The following ZMYM4 variants were observed in gnomAD, a reference collection of about 807,000 sequenced individuals.
The protein encoded by ZMYM4 is zinc finger MYM-type protein 4.
In ZMYM4, 31 loss-of-function variants were observed where a neutral mutation model predicts 183.2. The observed-to-expected ratio is 0.17, with a 90% CI of 0.13 to 0.23. The LOEUF (loss-of-function observed/expected upper bound fraction) is 0.23, where lower values mean the gene tolerates loss of function less well. ZMYM4 is among the 10% of genes least tolerant of loss of function. The pLI is 1.00. For synonymous variants in ZMYM4, 592 were observed against 631.2 expected, an observed-to-expected ratio of 0.94 and a Z score of 0.93; for missense variants, 1,273 against 1,840.3, an observed-to-expected ratio of 0.69 and a Z score of 5.64.
chr1:35,373,228 A>G (rs1055570014), intron 7 of ZMYM4, among the ~76,000 whole-genome samples: 31 of 149,646 alleles, frequency 2.1e-4, no homozygotes, highest in African/African-American at 6.5e-4. Flanking sequence ...ATAAATAAAT[A>G]TATATATATG....
At chr1:35,301,660 C>CA (rs1641284385) in intron 1 of ZMYM4, among the ~76,000 whole-genome samples, 1 of 151,804 alleles carries the variant, frequency 6.6e-6, no homozygotes, top group South Asian at 2.1e-4. Flanking sequence ...GTGACTGTTT[C>CA]ACTGGCCTCC....
rs984597049 is a variant in ZMYM4 at position 35,296,943 on chromosome 1, G to A, written c.39+27858G>A. On this transcript the variant is annotated intron_variant, in intron 1 of 29. Coordinates refer to ENST00000314607, the MANE Select transcript of ZMYM4 (RefSeq NM_005095.3). ...TGGCTCACTGCAACCTCCATCTCCC[G>A]GGTTTAGGCGATTCTCCTGCCTCAG... Among the ~76,000 whole-genome samples the A allele has an allele frequency of 9.3e-5, 13 of 139,550 alleles. No homozygotes were observed. The East Asian group carries it at 1.3e-3, about 13-fold the overall frequency. The allele number at this position is 139,550 out of a possible 152,430, so 91.6% of individuals were successfully genotyped here. A position where few individuals can be genotyped will look rare whatever the true frequency, so the allele number is the denominator to read the frequency against.
chr1:35,279,878 T>C (rs903232426), intron 1 of ZMYM4, among the ~76,000 whole-genome samples: 4 of 152,214 alleles, frequency 2.6e-5, no homozygotes, highest in Non-Finnish European at 5.9e-5. Flanking sequence ...TGAACCAAAA[T>C]GTTCACAATT....
chr1:35,321,482 A>G (rs1167788087), intron 1 of ZMYM4, among the ~76,000 whole-genome samples: 1 of 152,120 alleles, frequency 6.6e-6, no homozygotes, highest in Non-Finnish European at 1.5e-5. Flanking sequence ...TGTAATGGGA[A>G]TGTGAAGGCA....
intron 5 of ZMYM4, among the ~76,000 whole-genome samples, chr1:35,364,432 C>T (rs1192779794): frequency 6.6e-6 from 1 of 152,192 alleles, no homozygotes; most frequent in Non-Finnish European, 1.5e-5. Context: ...ATGTTATAAA[C>T]TAGATATGTG....
In ZMYM4 at chr1:35,274,616, T is replaced by TA. The variant is rs75013095; in HGVS notation, c.39+5549dup. The stretch of plus-strand genomic sequence containing the variant: ...GCAAGAGAGACACTGTTTTTTTTTT[T>TA]AAAAAAAAAAAAAAAAAAGGAGAGG... On this transcript the variant is annotated intron_variant, in intron 1 of 29. Transcript: ENST00000314607. 1.1e-3 allele frequency among the ~76,000 whole-genome samples: 147 copies of TA among 134,614 alleles called. 2 individuals are homozygous for TA. The highest frequency in any genetic ancestry group is 3.9e-3 in the African/African-American group (131 of 33,328). 88.3% of individuals were successfully genotyped at this position (134,614 alleles called of 152,430 possible). A position where few individuals can be genotyped will look rare whatever the true frequency, so the allele number is the denominator to read the frequency against.
chr1:35,404,891 A>C, intron 23 of ZMYM4, 132 bp from the exon 24 acceptor site: 1 of 855,536 alleles, frequency 1.2e-6, no homozygotes, highest in Non-Finnish European at 1.7e-6. Context: ...TGCTCTAAGA[A>C]CTCTGAATCT....
At chr1:35,277,257 G>T (rs1304058104) in intron 1 of ZMYM4, among the ~76,000 whole-genome samples, 1 of 152,206 alleles carries the variant, frequency 6.6e-6, no homozygotes. Flanking sequence ...CTGTAGCCAA[G>T]ATTGAGAGCC....
chr1:35,392,310 C>A lies in ZMYM4; in HGVS notation c.2686C>A (p.Pro896Thr). ...CAATGTAGTATCATTGGCAAGTGCC[C>A]CTGCTGCTCAGCCTACAGTGAATTC... ...IANVVSLASA[P>T]AAQPTVNSNS... is the part of the protein sequence containing the mutation. The change falls in exon 16 of 30, where the codon CCT becomes ACT. Residue 896 changes from proline (P) to threonine (T), a missense_variant. Physicochemically the swap from Pro to Thr is conservative, Grantham distance 38. Coordinates refer to ENST00000314607, the MANE Select transcript of ZMYM4 (RefSeq NM_005095.3). 6.2e-7 allele frequency: 1 copy of A among 1,614,164 alleles called. No individual in the cohort carries two copies. The highest frequency in any genetic ancestry group is 1.3e-5 in the African/African-American group (1 of 75,032).
Position 35,385,481 on chromosome 1 carries a change from T to C in ZMYM4, c.1609T>C (p.Leu537=). ...KITPCALCKS[L]RSSAEMIENT... ...TACACCGTGTGCGCTTTGCAAATCATTGAGATCCTCAGCAGAAATGATTGA... is the reference window on the plus strand; with the variant it reads ...TACACCGTGTGCGCTTTGCAAATCACTGAGATCCTCAGCAGAAATGATTGA... The change falls in exon 10 of 30, where the codon TTG becomes CTG. Residue 537 remains leucine (L), a synonymous_variant. Coordinates refer to ENST00000314607, the MANE Select transcript of ZMYM4 (RefSeq NM_005095.3). 6.2e-7 allele frequency: 1 copy of C among 1,613,160 alleles called. No homozygotes were observed. The highest frequency in any genetic ancestry group is 1.3e-5 in the African/African-American group (1 of 75,008).
intron 1 of ZMYM4, among the ~76,000 whole-genome samples, chr1:35,289,329 A>G (rs185233174): frequency 5.3e-5 from 8 of 152,302 alleles, no homozygotes; most frequent in Non-Finnish European, 8.8e-5. Context: ...TCATTGGAGT[A>G]GAGTGTAGAT....
chr1:35,367,126 T>TA (rs1644102282), intron 5 of ZMYM4, among the ~76,000 whole-genome samples: 1 of 152,016 alleles, frequency 6.6e-6, no homozygotes, highest in African/African-American at 2.4e-5. Flanking sequence ...GGCATGCACA[T>TA]ACACACACTT....
intron 1 of ZMYM4, among the ~76,000 whole-genome samples, chr1:35,278,618 G>T (rs1467014577): frequency 6.6e-6 from 1 of 151,882 alleles, no homozygotes; most frequent in East Asian, 1.9e-4. Context: ...GTGGAGACGG[G>T]GTTTCACTAT....
In ZMYM4 at chr1:35,421,955, C is replaced by G. The variant is rs942855286; in HGVS notation, c.*2278C>G. 14 of 152,034 alleles carry G rather than the reference C, an allele frequency of 9.2e-5. No homozygotes were observed. Among genetic ancestry groups the G allele is most frequent in the African/African-American group, 3.4e-4 (14 of 41,388 alleles). The allele number at this position is 152,034 out of a possible 1,614,324, so 9.4% of individuals were successfully genotyped here. A position where few individuals can be genotyped will look rare whatever the true frequency, so the allele number is the denominator to read the frequency against. Reference sequence around the variant, plus strand: ...TATATTTGTATTTGATGGGTGAGTTCTTCTTCTTTACGTCTTAAAAGAATT... The same window carrying G: ...TATATTTGTATTTGATGGGTGAGTTGTTCTTCTTTACGTCTTAAAAGAATT... On this transcript the variant is annotated 3_prime_UTR_variant, in exon 30 of 30. Coordinates refer to ENST00000314607, the MANE Select transcript of ZMYM4 (RefSeq NM_005095.3).
At chr1:35,394,092 C>T (rs1644760410) in intron 18 of ZMYM4, among the ~76,000 whole-genome samples, 1 of 150,876 alleles carries the variant, frequency 6.6e-6, no homozygotes, top group Non-Finnish European at 1.5e-5. Flanking sequence ...TTGAACTACT[C>T]CACAGTCTCT....
At chr1:35,348,755 T>G (rs1386647941) in intron 2 of ZMYM4, among the ~76,000 whole-genome samples, 1 of 152,244 alleles carries the variant, frequency 6.6e-6, no homozygotes, top group Non-Finnish European at 1.5e-5. Flanking sequence ...ATTGTGTTTG[T>G]TCCCAAACTT....
chr1:35,343,267 A>G, intron 2 of ZMYM4, among the ~76,000 whole-genome samples: 1 of 152,226 alleles, frequency 6.6e-6, no homozygotes, highest in South Asian at 2.1e-4. Context: ...TAAGATCATG[A>G]AAATTTGTAC....
At chr1:35,279,958 C>G (rs1286116936) in intron 1 of ZMYM4, among the ~76,000 whole-genome samples, 1 of 152,192 alleles carries the variant, frequency 6.6e-6, no homozygotes, top group East Asian at 1.9e-4. Flanking sequence ...TAAACCCTAA[C>G]CAGAATTGCC....
intron 23 of ZMYM4, among the ~76,000 whole-genome samples, chr1:35,403,454 T>C: frequency 6.6e-6 from 1 of 151,994 alleles, no homozygotes; most frequent in East Asian, 1.9e-4. Flanking sequence ...CCTGGGTAAT[T>C]TTTGTATTTT....
Sources: gnomAD v4.1 joint callset for allele counts (sites outside exome capture counted in the v4.1 genomes callset) on GRCh38, gnomAD v4.1.1 for gene constraint, MANE v1.5 for transcripts, NCBI Gene and HGNC (gene_info 2026-07-23, HGNC 2026-07-21) for gene names.